ADAMTS9: variants seen among roughly 807,000 people sequenced by gnomAD.
The protein encoded by ADAMTS9 is A disintegrin and metalloproteinase with thrombospondin motifs 9.
A neutral mutation model predicts 257.1 loss-of-function variants in ADAMTS9; 107 were observed. The observed-to-expected ratio is 0.42, with a 90% CI of 0.36 to 0.49. The LOEUF (loss-of-function observed/expected upper bound fraction) is 0.49, where lower values mean the gene tolerates loss of function less well. ADAMTS9 is among the 20% of genes least tolerant of loss of function. The pLI, the probability that ADAMTS9 is intolerant of heterozygous loss-of-function variation, is 0.03. For missense variants in ADAMTS9, 2,353 were observed against 2,469.1 expected, an observed-to-expected ratio of 0.95 and a Z score of 1.00; for synonymous variants, 982 against 880.9, an observed-to-expected ratio of 1.11 and a Z score of -2.03.
chr3:64,551,367 G>C (rs896577207), intron 30 of ADAMTS9, among the ~76,000 whole-genome samples: 21 of 152,014 alleles, frequency 1.4e-4, no homozygotes, highest in African/African-American at 4.6e-4. Flanking sequence ...CCGCCACCAC[G>C]CCAGGCTAAT....
At chr3:64,605,639 G>C (rs2084543856) in intron 23 of ADAMTS9, among the ~76,000 whole-genome samples, 1 of 152,114 alleles carries the variant, frequency 6.6e-6, no homozygotes, top group Non-Finnish European at 1.5e-5. Flanking sequence ...GCAAACCCGA[G>C]TGTTCTCTTT....
At position 64,625,938 on chromosome 3, in the gene ADAMTS9, T is replaced by G. The variant is rs73122268; in HGVS notation, c.2390-3352A>C. 3.3e-3 allele frequency among the ~76,000 whole-genome samples: 499 copies of G among 152,308 alleles called. 2 individuals carry two copies. The highest frequency in any genetic ancestry group is 0.019 in the South Asian group (90 of 4,830). The stretch of plus-strand genomic sequence containing the variant: ...GTCCTGTATATTTCCAGGTCAGCCA[T>G]ATATCCTTCTACATGGTGGCAGTAA... On this transcript the variant is annotated intron_variant, in intron 16 of 39. Coordinates refer to ENST00000498707, the MANE Select transcript of ADAMTS9 (RefSeq NM_182920.2).
At chr3:64,670,241 G>A (rs1380763071) in intron 3 of ADAMTS9, among the ~76,000 whole-genome samples, 1 of 152,164 alleles carries the variant, frequency 6.6e-6, no homozygotes, top group African/African-American at 2.4e-5. Context: ...TACCTATGCA[G>A]AGGCTCCCCT....
chr3:64,565,027 T>A (rs1436763950), intron 29 of ADAMTS9, among the ~76,000 whole-genome samples: 3 of 152,172 alleles, frequency 2.0e-5, no homozygotes, highest in Admixed American at 2.0e-4. Flanking sequence ...AGCAGGTCAG[T>A]GAGGGTGTGG....
chr3:64,605,894 C>A (rs1470197744), intron 23 of ADAMTS9, among the ~76,000 whole-genome samples: 2 of 152,072 alleles, frequency 1.3e-5, no homozygotes, highest in Non-Finnish European at 2.9e-5. Context: ...ATAAAATATA[C>A]AATTATATAT....
intron 16 of ADAMTS9, among the ~76,000 whole-genome samples, chr3:64,623,712 C>T (rs1700162378): frequency 6.6e-6 from 1 of 152,198 alleles, no homozygotes; most frequent in South Asian, 2.1e-4. Context: ...TCCGCTTTCT[C>T]ATCTTTCTCC....
chr3:64,606,916 T>C (rs1474279543), intron 23 of ADAMTS9, 44 bp downstream of exon 23: 1 of 1,610,030 alleles, frequency 6.2e-7, no homozygotes, highest in African/African-American at 1.3e-5. Flanking sequence ...GTTTGGTACC[T>C]TGGTCCCCAA....
intron 2 of ADAMTS9, among the ~76,000 whole-genome samples, chr3:64,685,940 G>A (rs564764645): frequency 6.6e-6 from 1 of 152,292 alleles, no homozygotes; most frequent in South Asian, 2.1e-4. Context: ...TCCGGGGTAG[G>A]CTCCGCCTTC....
chr3:64,551,722 T>C (rs991117579), intron 30 of ADAMTS9, among the ~76,000 whole-genome samples: 1 of 152,224 alleles, frequency 6.6e-6, no homozygotes, highest in Non-Finnish European at 1.5e-5. Context: ...ACCTCCAGGA[T>C]CAGGGACATC....
rs748348491 is a variant in ADAMTS9, at chr3:64,686,923, A to G, written c.161T>C (p.Ile54Thr). 2.2e-5 allele frequency: 36 copies of G among 1,614,204 alleles called. No homozygotes were observed. Among genetic ancestry groups the G allele is most frequent in the Non-Finnish European group, 3.1e-5 (36 of 1,180,038 alleles). Reference protein sequence around the residue: ...TLSEYEIVSPIRVNALGEPFP... With the variant: ...TLSEYEIVSPTRVNALGEPFP... ...GGGTTCTCCGAGAGCGTTCACTCGG[A>G]TGGGAGACACGATTTCGTATTCGCT... Residue 54 changes from isoleucine to threonine, a missense_variant, in exon 2 of 40, where the codon ATC becomes ACC. Around this residue, in one of 3 missense-constraint regions of ADAMTS9, gnomAD observed 591 missense variants for 569.6 expected, o/e 1.04. Transcript: ENST00000498707. This position sits in a 1 kb window ranked among gnomAD's most constrained non-coding sequence, Gnocchi z 4.6.
intron 38 of ADAMTS9, 126 bp downstream of exon 38, chr3:64,533,040 A>G: frequency 1.3e-6 from 1 of 776,964 alleles, no homozygotes; most frequent in African/African-American, 1.7e-5. Context: ...TCTTCCTGAC[A>G]CTACAAAATG....
intron 11 of ADAMTS9, among the ~76,000 whole-genome samples, chr3:64,645,838 G>T (rs1700772540): frequency 6.6e-6 from 1 of 152,118 alleles, no homozygotes; most frequent in Non-Finnish European, 1.5e-5. Context: ...GCAGGAGCAG[G>T]GTCTGCTGAA....
intron 20 of ADAMTS9, 64 bp downstream of exon 20, chr3:64,615,896 A>G: frequency 6.3e-7 from 1 of 1,591,444 alleles, no homozygotes; most frequent in Non-Finnish European, 8.6e-7. Context: ...ACACACCTGC[A>G]AGGAGCCACC....
intron 38 of ADAMTS9, among the ~76,000 whole-genome samples, chr3:64,530,478 A>C (rs2082965327): frequency 6.7e-6 from 1 of 148,376 alleles, no homozygotes. Flanking sequence ...GGCCCTGGAG[A>C]TTAATTTTGA....
intron 19 of ADAMTS9, among the ~76,000 whole-genome samples, chr3:64,620,730 C>A (rs553196028): frequency 6.6e-6 from 1 of 152,152 alleles, no homozygotes; most frequent in Non-Finnish European, 1.5e-5. Context: ...TATACACTCT[C>A]GGTAGATATA....
intron 30 of ADAMTS9, among the ~76,000 whole-genome samples, chr3:64,555,148 G>A (rs745457956): frequency 6.6e-6 from 1 of 152,064 alleles, no homozygotes; most frequent in Non-Finnish European, 1.5e-5. Context: ...AGAACCACAG[G>A]GTTCCTGGGT....
intron 26 of ADAMTS9, among the ~76,000 whole-genome samples, chr3:64,598,044 T>C (rs759433398): frequency 6.6e-6 from 1 of 152,210 alleles, no homozygotes; most frequent in African/African-American, 2.4e-5. Context: ...TTGCTGGTCA[T>C]CTTCTTCCGT....
At chr3:64,633,920 T>G (rs745912971) in intron 12 of ADAMTS9, 41 bp from the exon 13 acceptor site, 8 of 1,537,410 alleles carry the variant, frequency 5.2e-6, no homozygotes, top group Non-Finnish European at 7.1e-6. Flanking sequence ...CACTGTATTA[T>G]CATGTATTCC....
intron 30 of ADAMTS9, among the ~76,000 whole-genome samples, chr3:64,561,171 A>G (rs968415332): frequency 6.6e-6 from 1 of 152,040 alleles, no homozygotes; most frequent in African/African-American, 2.4e-5. Flanking sequence ...GAGGAAAAAT[A>G]CAGAGTAGGT....
Sources: gnomAD v4.1 joint callset for allele counts (sites outside exome capture counted in the v4.1 genomes callset) on GRCh38, gnomAD v4.1.1 for gene constraint, gnomAD v4.1.1 regional missense constraint, Gnocchi (gnomAD v3.1) non-coding constraint, MANE v1.5 for transcripts, NCBI Gene and HGNC (gene_info 2026-07-23, HGNC 2026-07-21) for gene names.